CRACDL: variants seen among roughly 807,000 people sequenced by gnomAD.
The protein encoded by CRACDL is CRACD-like protein.
A neutral mutation model predicts 70.6 loss-of-function variants in CRACDL; 26 were observed. The ratio of observed to expected loss-of-function variants is 0.37; its 90% CI spans 0.27 to 0.51. The LOEUF (loss-of-function observed/expected upper bound fraction) is 0.51. CRACDL is among the 20% of genes least tolerant of loss of function. The pLI is 0.94. For synonymous variants in CRACDL, 618 were observed against 615.2 expected (o/e 1.00, Z -0.07); for missense variants, 1,283 against 1,376.9 (o/e 0.93, Z 1.08).
At position 98,794,545 on chromosome 2, in the gene CRACDL, T is replaced by C; in HGVS notation, c.2876A>G (p.Gln959Arg). 6.2e-7 allele frequency: 1 copy of C among 1,614,074 alleles called. No individual in the cohort carries two copies. Among genetic ancestry groups the C allele is most frequent in the Admixed American group, 1.7e-5 (1 of 60,024 alleles). ...KKSQAWSDMP[Q>R]IIK is the part of the protein sequence containing the mutation. ...CACACTGCCCACCTATTTTATAATC[T>C]GGGGCATGTCACTCCAAGCTTGAGA... Residue 959 changes from glutamine to arginine, a missense_variant, in exon 10 of 10, where the codon CAG becomes CGG. Transcript: ENST00000397899.
intron 7 of CRACDL, among the ~76,000 whole-genome samples, chr2:98,819,888 C>T (rs1704951444): frequency 1.4e-5 from 2 of 139,770 alleles, no homozygotes; most frequent in African/African-American, 2.8e-5. Context: ...GGCGTGATCT[C>T]GGCTCACTGC....
At chr2:98,920,736 G>A (rs1394043390) in intron 1 of CRACDL, among the ~76,000 whole-genome samples, 1 of 152,180 alleles carries the variant, frequency 6.6e-6, no homozygotes, top group South Asian at 2.1e-4. Context: ...CCCACTGGAA[G>A]TCCATCTTGC....
chr2:98,905,249 C>G (rs369498076), intron 1 of CRACDL, among the ~76,000 whole-genome samples: 2 of 61,734 alleles, frequency 3.2e-5, no homozygotes. Flanking sequence ...GACTCTGTCT[C>G]AAAAAAAAAA....
intron 1 of CRACDL, among the ~76,000 whole-genome samples, chr2:98,915,662 C>T (rs1708646808): frequency 6.6e-6 from 1 of 152,062 alleles, no homozygotes; most frequent in Non-Finnish European, 1.5e-5. Flanking sequence ...AGAGGGTGGG[C>T]TGCCTGCTGG....
intron 1 of CRACDL, among the ~76,000 whole-genome samples, chr2:98,924,807 C>CA (rs1225170177): frequency 2.0e-5 from 3 of 152,198 alleles, no homozygotes; most frequent in Admixed American, 1.3e-4. Context: ...CTTAGCCCCC[C>CA]AAAAAGGGGG....
At chr2:98,798,050 C>CT (rs1188905580) in intron 7 of CRACDL, among the ~76,000 whole-genome samples, 1 of 152,134 alleles carries the variant, frequency 6.6e-6, no homozygotes, top group African/African-American at 2.4e-5. Context: ...GCCTTTGAAA[C>CT]CATATAGAGT....
intron 1 of CRACDL, among the ~76,000 whole-genome samples, chr2:98,892,458 A>C (rs1408690427): frequency 2.6e-5 from 4 of 152,128 alleles, no homozygotes; most frequent in Admixed American, 2.0e-4. Flanking sequence ...TAGGAGACTG[A>C]GGTGGGCGGA....
chr2:98,822,829 C>G lies in CRACDL; in HGVS notation c.1444G>C (p.Glu482Gln), dbSNP rs773742830. ...CTCGGGGCGGGCGCCGTGGAGGGCT[C>G]GGTCCCAATTCTCTCGGGCTCGGTC... ...AGTEPERIGT[E>Q]PSTAPAPSPP... Residue 482 changes from glutamate to glutamine, a missense_variant, in exon 7 of 10, where the codon GAG becomes CAG. Glu to Gln is a conservative substitution (Grantham distance 29). Coordinates refer to ENST00000397899, the MANE Select transcript of CRACDL (RefSeq NM_207362.3). This position sits in a 1 kb window ranked among gnomAD's most constrained non-coding sequence, Gnocchi z 4.9. 2 of 1,419,154 alleles carry G rather than the reference C, an allele frequency of 1.4e-6. No homozygotes were observed. The highest frequency in any genetic ancestry group is 2.8e-5 in the Admixed American group (1 of 35,584). The allele number at this position is 1,419,154 out of a possible 1,614,324, so 87.9% of individuals were successfully genotyped here. A position where few individuals can be genotyped will look rare whatever the true frequency, so the allele number is the denominator to read the frequency against.
At chr2:98,866,732 G>A (rs553358142) in intron 1 of CRACDL, among the ~76,000 whole-genome samples, 7 of 151,462 alleles carry the variant, frequency 4.6e-5, no homozygotes, top group Admixed American at 3.9e-4. Context: ...GACCTCAGGT[G>A]ATCCCCCGCC....
intron 9 of CRACDL, among the ~76,000 whole-genome samples, chr2:98,795,077 A>ATATTT: frequency 1.7e-5 from 1 of 58,494 alleles, no homozygotes; most frequent in East Asian, 6.1e-4. Flanking sequence ...ATATATATAT[A>ATATTT]TTTTTTTTTT....
intron 2 of CRACDL, among the ~76,000 whole-genome samples, chr2:98,844,567 A>G (rs1236748684): frequency 6.6e-6 from 1 of 152,194 alleles, no homozygotes; most frequent in Non-Finnish European, 1.5e-5. Flanking sequence ...CACTACTCCA[A>G]TATGATCTCA....
In CRACDL at chr2:98,833,978, A is replaced by G. The variant is rs183629361; in HGVS notation, c.240-981T>C. Among the ~76,000 whole-genome samples, 269 of 152,256 alleles carry G rather than the reference A, an allele frequency of 1.8e-3. 1 individual carries two copies. Among genetic ancestry groups the G allele is most frequent in the Non-Finnish European group, 2.5e-3 (170 of 67,998 alleles). On this transcript the variant is annotated intron_variant, in intron 3 of 9. Coordinates refer to ENST00000397899, the MANE Select transcript of CRACDL (RefSeq NM_207362.3). ...AATGCTTCCTTCTAATTAAACTCTC[A>G]CGCCTGCAACAGTAAGCTTGCAAGT...
chr2:98,848,233 G>A (rs1384039190), intron 1 of CRACDL, among the ~76,000 whole-genome samples: 5 of 152,218 alleles, frequency 3.3e-5, no homozygotes, highest in Non-Finnish European at 5.9e-5. Context: ...TCAAACAGCA[G>A]AATGATAGTA....
chr2:98,844,830 T>C (rs1706182660), intron 2 of CRACDL, among the ~76,000 whole-genome samples: 1 of 152,234 alleles, frequency 6.6e-6, no homozygotes, highest in Admixed American at 6.5e-5. Flanking sequence ...TGTTATTTGC[T>C]TCTGAAAAGT....
At chr2:98,857,027 A>G (rs1479824698) in intron 1 of CRACDL, among the ~76,000 whole-genome samples, 1 of 152,182 alleles carries the variant, frequency 6.6e-6, no homozygotes, top group Non-Finnish European at 1.5e-5. Flanking sequence ...AGCTCCTCCA[A>G]TATGATCCCA....
intron 1 of CRACDL, among the ~76,000 whole-genome samples, chr2:98,874,840 T>C (rs1166891156): frequency 6.6e-6 from 1 of 152,184 alleles, no homozygotes; most frequent in Non-Finnish European, 1.5e-5. Context: ...GATCACTTCA[T>C]GCTGTTTCCA....
At chr2:98,900,205 C>T (rs1401987855) in intron 1 of CRACDL, among the ~76,000 whole-genome samples, 12 of 95,300 alleles carry the variant, frequency 1.3e-4, no homozygotes, top group South Asian at 3.8e-4. Context: ...GGCAGGGGGA[C>T]AGAGGCTCAG....
intron 7 of CRACDL, among the ~76,000 whole-genome samples, chr2:98,800,123 C>A (rs1055400301): frequency 5.9e-5 from 9 of 152,212 alleles, no homozygotes; most frequent in Non-Finnish European, 8.8e-5. Context: ...GCAAGGACGA[C>A]CTTATATTTG....
At chr2:98,830,437 T>C (rs1705493399) in intron 5 of CRACDL, among the ~76,000 whole-genome samples, 1 of 152,238 alleles carries the variant, frequency 6.6e-6, no homozygotes, top group Non-Finnish European at 1.5e-5. Context: ...CTTAAGGCAC[T>C]ATTACATCAA....
Sources: gnomAD v4.1 joint callset for allele counts (sites outside exome capture counted in the v4.1 genomes callset) on GRCh38, gnomAD v4.1.1 for gene constraint, Gnocchi (gnomAD v3.1) non-coding constraint, MANE v1.5 for transcripts, NCBI Gene and HGNC (gene_info 2026-07-23, HGNC 2026-07-21) for gene names.